The following KCNH7 variants were observed in gnomAD, a reference collection of about 807,000 sequenced individuals.
KCNH7 encodes the protein potassium voltage-gated channel subfamily H member 7.
A neutral mutation model predicts 120.8 loss-of-function variants in KCNH7; 49 were observed. That is an observed-to-expected ratio of 0.41 (90% CI 0.32 to 0.51). The LOEUF (loss-of-function observed/expected upper bound fraction) is 0.51, where lower values mean the gene tolerates loss of function less well. Ranked by LOEUF, KCNH7 falls within the 20% of genes least tolerant of loss-of-function variation. The pLI is 0.38. For synonymous variants in KCNH7, 547 were observed against 516.1 expected (o/e 1.06, Z -0.81); for missense variants, 1,097 against 1,446.6 (o/e 0.76, Z 3.92).
intron 2 of KCNH7, among the ~76,000 whole-genome samples, chr2:162,591,135 G>A (rs1419749406): frequency 6.6e-6 from 1 of 152,044 alleles, no homozygotes; most frequent in Non-Finnish European, 1.5e-5. Flanking sequence ...CCTCTTCCCA[G>A]AGAAATCTTC....
At chr2:162,775,436 G>A (rs775899748) in intron 2 of KCNH7, among the ~76,000 whole-genome samples, 1 of 152,150 alleles carries the variant, frequency 6.6e-6, no homozygotes, top group African/African-American at 2.4e-5. Context: ...GCATTGATGA[G>A]TTGTGGTTTG....
intron 2 of KCNH7, among the ~76,000 whole-genome samples, chr2:162,607,009 A>G (rs997676703): frequency 1.3e-5 from 2 of 152,104 alleles, no homozygotes; most frequent in Non-Finnish European, 2.9e-5. Flanking sequence ...GACTTGGACT[A>G]ATGTTCAAAA....
intron 2 of KCNH7, among the ~76,000 whole-genome samples, chr2:162,606,490 A>G (rs1682777178): frequency 6.6e-6 from 1 of 152,196 alleles, no homozygotes; most frequent in African/African-American, 2.4e-5. Flanking sequence ...TGTTTCTTAA[A>G]TTATTTTATT....
At chr2:162,700,851 C>G (rs1686469436) in intron 2 of KCNH7, among the ~76,000 whole-genome samples, 1 of 152,164 alleles carries the variant, frequency 6.6e-6, no homozygotes, top group Non-Finnish European at 1.5e-5. Context: ...GAACATGATA[C>G]AACAAATCTG....
intron 12 of KCNH7, among the ~76,000 whole-genome samples, chr2:162,389,430 G>T (rs969504542): frequency 3.3e-5 from 5 of 151,944 alleles, no homozygotes; most frequent in African/African-American, 1.2e-4. Flanking sequence ...GCTACTTGCC[G>T]ACTTTATTCT....
intron 2 of KCNH7, among the ~76,000 whole-genome samples, chr2:162,648,440 C>T (rs1684447303): frequency 6.6e-6 from 1 of 152,172 alleles, no homozygotes; most frequent in African/African-American, 2.4e-5. Context: ...TACAATTTCA[C>T]CTGAGATTTG....
chr2:162,476,182 G>T (rs1017343034), intron 6 of KCNH7, among the ~76,000 whole-genome samples: 7 of 152,158 alleles, frequency 4.6e-5, no homozygotes, highest in Admixed American at 4.6e-4. Flanking sequence ...CCAGTTCTCA[G>T]CTTTCTTGGT....
At chr2:162,789,717 TA>T (rs760256069) in intron 2 of KCNH7, among the ~76,000 whole-genome samples, 4 of 151,400 alleles carry the variant, frequency 2.6e-5, no homozygotes, top group South Asian at 4.2e-4. Flanking sequence ...TTAGAAAACT[TA>T]AAAAAAATGT....
At chr2:162,632,372 C>G (rs912782997) in intron 2 of KCNH7, among the ~76,000 whole-genome samples, 2 of 151,796 alleles carry the variant, frequency 1.3e-5, no homozygotes, top group Admixed American at 6.6e-5. Flanking sequence ...GAAAATAACT[C>G]AATAATTATA....
At chr2:162,746,540 C>A (rs1284667055) in intron 2 of KCNH7, among the ~76,000 whole-genome samples, 2 of 151,924 alleles carry the variant, frequency 1.3e-5, no homozygotes, top group Non-Finnish European at 2.9e-5. Context: ...AGACTTTACA[C>A]TTTTTTTTCC....
At chr2:162,721,821 T>C (rs1487876239) in intron 2 of KCNH7, among the ~76,000 whole-genome samples, 2 of 152,040 alleles carry the variant, frequency 1.3e-5, no homozygotes, top group African/African-American at 2.4e-5. Flanking sequence ...ATTATCTTTA[T>C]TTAAAAAAGA....
At chr2:162,502,289 G>A (rs1406697742) in intron 6 of KCNH7, 1 of 152,048 alleles carries the variant, frequency 6.6e-6, no homozygotes, top group Non-Finnish European at 1.5e-5. Flanking sequence ...TAGGGATAAA[G>A]AGATCCTGCA....
At chr2:162,373,238 TA>T in intron 15 of KCNH7, among the ~76,000 whole-genome samples, 1 of 152,184 alleles carries the variant, frequency 6.6e-6, no homozygotes, top group Non-Finnish European at 1.5e-5. Context: ...TGCTAATGTT[TA>T]AAATTATTAT....
chr2:162,568,163 A>G (rs1693324299), intron 2 of KCNH7, among the ~76,000 whole-genome samples: 1 of 152,016 alleles, frequency 6.6e-6, no homozygotes, highest in Non-Finnish European at 1.5e-5. Context: ...TCATAAAGCC[A>G]TCAGATCCTG....
At chr2:162,836,344 C>G (rs535423787) in intron 2 of KCNH7, among the ~76,000 whole-genome samples, 193 bp downstream of exon 2, 4 of 152,086 alleles carry the variant, frequency 2.6e-5, no homozygotes, top group Non-Finnish European at 4.4e-5. Flanking sequence ...TTACAGTACC[C>G]TTATTCAAAG....
intron 8 of KCNH7, among the ~76,000 whole-genome samples, chr2:162,429,059 C>T (rs1177310588): frequency 2.0e-5 from 3 of 151,780 alleles, no homozygotes; most frequent in Non-Finnish European, 4.4e-5. Context: ...TCCCTTTTCA[C>T]TTATTTCCTA....
chr2:162,469,878 C>T (rs1689440790), intron 6 of KCNH7, among the ~76,000 whole-genome samples: 1 of 152,216 alleles, frequency 6.6e-6, no homozygotes, highest in Non-Finnish European at 1.5e-5. Flanking sequence ...GACTGGTTTT[C>T]ATATTTTTTT....
At chr2:162,679,329 G>A (rs148748203) in intron 2 of KCNH7, among the ~76,000 whole-genome samples, 13 of 151,712 alleles carry the variant, frequency 8.6e-5, no homozygotes, top group Non-Finnish European at 1.2e-4. Context: ...TTTCAGGTTC[G>A]CATGAGTAGG....
intron 2 of KCNH7, among the ~76,000 whole-genome samples, chr2:162,783,039 T>C (rs1017136860): frequency 6.6e-6 from 1 of 152,186 alleles, no homozygotes; most frequent in Non-Finnish European, 1.5e-5. Context: ...CTCTTCACTA[T>C]GCATCCAGCA....
Sources: gnomAD v4.1 joint callset for allele counts (sites outside exome capture counted in the v4.1 genomes callset) on GRCh38, gnomAD v4.1.1 for gene constraint, MANE v1.5 for transcripts, NCBI Gene and HGNC (gene_info 2026-07-23, HGNC 2026-07-21) for gene names.